SAMSN1: variants seen among roughly 807,000 people sequenced by gnomAD.
SAMSN1 encodes SAM domain, SH3 domain and nuclear localization signals 1.
A neutral mutation model predicts 42.0 loss-of-function variants in SAMSN1; 31 were observed. The observed-to-expected ratio is 0.74, with a 90% CI of 0.55 to 1.00. SAMSN1 has a LOEUF of 1.00. Among genes scored for constraint, SAMSN1 ranks in the 50% least tolerant of loss-of-function variants. The pLI is 0.00. For synonymous variants in SAMSN1, 178 were observed against 151.9 expected (o/e 1.17, Z -1.26); for missense variants, 464 against 439.4 (o/e 1.06, Z -0.50).
At chr21:14,554,141 A>G (rs917245425) in intron 2 of SAMSN1, among the ~76,000 whole-genome samples, 2 of 152,166 alleles carry the variant, frequency 1.3e-5, no homozygotes, top group African/African-American at 2.4e-5. Context: ...TAATTTGCAG[A>G]AATGCTTTCT....
At chr21:14,614,363 T>G (rs75288928) in intron 3 of SAMSN1, among the ~76,000 whole-genome samples, 301 of 152,290 alleles carry the variant, frequency 2.0e-3, no homozygotes, top group African/African-American at 6.9e-3. Context: ...GATATGAGTT[T>G]ATCATTAACT....
intron 2 of SAMSN1, among the ~76,000 whole-genome samples, chr21:14,562,981 T>A (rs900354457): frequency 6.6e-6 from 1 of 152,192 alleles, no homozygotes; most frequent in African/African-American, 2.4e-5. Context: ...GTTTCTAGTC[T>A]TGGATGGTTT....
chr21:14,576,108 G>T (rs894232010), intron 2 of SAMSN1, among the ~76,000 whole-genome samples: 15 of 152,138 alleles, frequency 9.9e-5, no homozygotes, highest in African/African-American at 2.9e-4. Context: ...GTGTGCATCT[G>T]GTTAGAAGGA....
At chr21:14,580,273 T>C (rs1186443247) in intron 2 of SAMSN1, among the ~76,000 whole-genome samples, 1 of 152,138 alleles carries the variant, frequency 6.6e-6, no homozygotes, top group African/African-American at 2.4e-5. Flanking sequence ...AGGAAATCAA[T>C]AAGGTGGGGG....
chr21:14,555,402 C>T (rs150359513), intron 2 of SAMSN1, among the ~76,000 whole-genome samples: 2 of 152,176 alleles, frequency 1.3e-5, no homozygotes, highest in Non-Finnish European at 2.9e-5. Context: ...CTCCAAGTCT[C>T]TTCCTTCACC....
chr21:14,486,435 G>T (rs956873270), intron 7 of SAMSN1, among the ~76,000 whole-genome samples: 2 of 152,122 alleles, frequency 1.3e-5, no homozygotes, highest in Non-Finnish European at 2.9e-5. Context: ...GCCAGAGAAA[G>T]CAGATTGTAT....
At chr21:14,658,899 T>A, upstream of SAMSN1, 2 of 656,540 alleles carry the variant, frequency 3.0e-6, no homozygotes, top group Non-Finnish European at 5.6e-6. Context: ...ATCCCTGCCA[T>A]AATCCAGGGG....
intron 5 of SAMSN1, among the ~76,000 whole-genome samples, chr21:14,508,285 A>G (rs2123713832): frequency 6.6e-6 from 1 of 152,354 alleles, no homozygotes; most frequent in South Asian, 2.1e-4. Flanking sequence ...ACAGGGTGGG[A>G]AAAAATTTTC....
intron 7 of SAMSN1, among the ~76,000 whole-genome samples, chr21:14,491,298 G>A (rs1986674170): frequency 6.6e-6 from 1 of 151,600 alleles, no homozygotes; most frequent in Admixed American, 6.6e-5. Flanking sequence ...GAGAGAAATA[G>A]GGTCTGGCTA....
chr21:14,558,426 C>T (rs567428576), intron 2 of SAMSN1, among the ~76,000 whole-genome samples: 1 of 152,146 alleles, frequency 6.6e-6, no homozygotes, highest in South Asian at 2.1e-4. Flanking sequence ...GCCTGTAATC[C>T]AATCACTTTG....
rs73161276 is a variant in SAMSN1, at chr21:14,551,940, C to T, written c.261+30196G>A. On this transcript the variant is annotated intron_variant, in intron 2 of 8. Transcript: ENST00000285670. ...AAGTAGGTCTTGGCATACCTAAATA[C>T]CTGGCATAAAATGGGAATGATTAAT... Among the ~76,000 whole-genome samples the T allele has an allele frequency of 8.0e-4, 122 of 152,126 alleles. No homozygotes were observed. In the Middle Eastern group the frequency reaches 0.014, roughly 17 times the overall value.
chr21:14,624,757 A>C lies in SAMSN1; in HGVS notation c.157-8741T>G, dbSNP rs192200832. 4.7e-3 allele frequency among the ~76,000 whole-genome samples: 711 copies of C among 152,314 alleles called. 3 individuals carry two copies. Among genetic ancestry groups the C allele is most frequent in the African/African-American group, 0.016 (662 of 41,578 alleles). ...ATTCCAATCAACAGAAAAAGAGGGA[A>C]TCCTCCCTAACTCATTTTATGAGGC... is the stretch of plus-strand genomic sequence containing the variant. On this transcript the variant is annotated intron_variant, in intron 2 of 15. Coordinates refer to the SAMSN1 transcript ENST00000647101.
At chr21:14,621,810 A>C (rs2123343826) in intron 2 of SAMSN1, among the ~76,000 whole-genome samples, 1 of 152,316 alleles carries the variant, frequency 6.6e-6, no homozygotes, top group Non-Finnish European at 1.5e-5. Flanking sequence ...AGATCTGAGA[A>C]TGGACAGACT....
At chr21:14,599,639 C>A (rs185617823) in intron 6 of SAMSN1, among the ~76,000 whole-genome samples, 2 of 151,984 alleles carry the variant, frequency 1.3e-5, no homozygotes, top group Non-Finnish European at 2.9e-5. Context: ...TTAGTTCCTG[C>A]GAGAGCCAGT....
intron 4 of SAMSN1, chr21:14,609,591 T>A: frequency 1.4e-6 from 1 of 717,676 alleles, no homozygotes; most frequent in Middle Eastern, 2.3e-4. Flanking sequence ...AGATAATTGG[T>A]TAGCAGAATT....
In SAMSN1 at chr21:14,500,722, A is replaced by G; in HGVS notation, c.575T>C (p.Ile192Thr). 6.2e-7 allele frequency: 1 copy of G among 1,613,424 alleles called. No individual in the cohort carries two copies. Residue 192 changes from isoleucine (I) to threonine (T), a missense_variant, in exon 6 of 8, where the codon ATA (isoleucine) becomes ACA (threonine). By Grantham distance (89) the Ile-to-Thr change is moderately conservative. Coordinates refer to ENST00000400566, the MANE Select transcript of SAMSN1 (RefSeq NM_022136.5). ...DSLKIKKGDI[I>T]DIICKTPMGM... Reference sequence around the variant, plus strand: ...CATTGGTGTTTTGCAAATAATGTCTATGATGTCTCCTTTCTAAGGGCAAAG... The same window carrying G: ...CATTGGTGTTTTGCAAATAATGTCTGTGATGTCTCCTTTCTAAGGGCAAAG...
At chr21:14,505,205 T>A (rs1987344877) in intron 5 of SAMSN1, among the ~76,000 whole-genome samples, 1 of 152,046 alleles carries the variant, frequency 6.6e-6, no homozygotes, top group Non-Finnish European at 1.5e-5. Context: ...AAAAAAAATG[T>A]ATACAGGCAA....
rs151246891 is a variant in SAMSN1, at chr21:14,491,671, A to G, written c.920-5557T>C. ...ATTCAGTATACAAGTGTTCAACTCTAACTGCATCTTTGGGTCTTCATTTCC... is the reference window on the plus strand; with the variant it reads ...ATTCAGTATACAAGTGTTCAACTCTGACTGCATCTTTGGGTCTTCATTTCC... On this transcript the variant is annotated intron_variant, in intron 7 of 7. Coordinates refer to ENST00000400566, the MANE Select transcript of SAMSN1 (RefSeq NM_022136.5). Among the ~76,000 whole-genome samples the G allele has an allele frequency of 2.5e-3, 378 of 152,278 alleles. 2 individuals carry two copies. The highest frequency in any genetic ancestry group is 8.8e-3 in the African/African-American group (364 of 41,562).
At chr21:14,589,415 T>A (rs1337129082) in intron 7 of SAMSN1, among the ~76,000 whole-genome samples, 1 of 151,940 alleles carries the variant, frequency 6.6e-6, no homozygotes, top group Non-Finnish European at 1.5e-5. Context: ...GACAGCCAAA[T>A]TAAGACCAAC....
Sources: allele counts gnomAD v4.1 joint callset (sites outside exome capture counted in the v4.1 genomes callset), GRCh38; gene constraint gnomAD v4.1.1; transcripts MANE v1.5; gene names NCBI Gene and HGNC (gene_info 2026-07-23, HGNC 2026-07-21).